MAP3K1: variants seen among roughly 807,000 people sequenced by gnomAD.
The protein encoded by MAP3K1 is MAP/ERK kinase kinase 1.
MAP3K1 carries 36 observed loss-of-function variants against 144.2 expected under a neutral mutation model. The ratio of observed to expected loss-of-function variants is 0.25; its 90% CI spans 0.19 to 0.33. The LOEUF (loss-of-function observed/expected upper bound fraction) is 0.33. MAP3K1 is among the 10% of genes least tolerant of loss of function. MAP3K1 has a pLI of 1.00. For missense variants in MAP3K1, 1,650 were observed against 1,881.9 expected (o/e 0.88, Z 2.28); for synonymous variants, 718 against 688.7 (o/e 1.04, Z -0.67).
intron 1 of MAP3K1, among the ~76,000 whole-genome samples, chr5:56,820,148 A>T (rs1054719869): frequency 6.6e-6 from 1 of 152,060 alleles, no homozygotes; most frequent in Non-Finnish European, 1.5e-5. Flanking sequence ...GATATCTATT[A>T]TATGTATTAT....
At chr5:56,883,770 T>C (rs1748296988) in intron 15 of MAP3K1, 91 bp downstream of exon 15, 16 of 1,314,326 alleles carry the variant, frequency 1.2e-5, no homozygotes, top group Non-Finnish European at 1.8e-5. Flanking sequence ...TCCACGTGTG[T>C]GTACTTTAGT....
chr5:56,838,775 G>A (rs1746727518), intron 1 of MAP3K1, among the ~76,000 whole-genome samples: 1 of 152,218 alleles, frequency 6.6e-6, no homozygotes, highest in Admixed American at 6.5e-5. Flanking sequence ...AGGATTCTTA[G>A]AGGGAGTTTA....
At chr5:56,875,747 C>G (rs1748005750) in intron 10 of MAP3K1, among the ~76,000 whole-genome samples, 1 of 152,036 alleles carries the variant, frequency 6.6e-6, no homozygotes, top group South Asian at 2.1e-4. Flanking sequence ...GCTAGACAAG[C>G]TTGCTAATTT....
chr5:56,815,586 G>A lies in MAP3K1; in HGVS notation c.13G>A (p.Ala5Thr). The part of the protein sequence containing the change: MAAA[A>T]GNRASSSGFP... ...CCCGCGAGAGAAAATGGCGGCGGCG[G>A]CGGGGAATCGCGCCTCGTCGTCGGG... The change falls in exon 1 of 20, where the codon GCG (alanine) becomes ACG (threonine). Residue 5 changes from alanine to threonine, a missense_variant. By Grantham distance (58) the Ala-to-Thr change is moderately conservative. Transcript: ENST00000399503. The A allele has an allele frequency of 7.7e-7, 1 of 1,299,022 alleles. No individual in the cohort carries two copies. Among genetic ancestry groups the A allele is most frequent in the Non-Finnish European group, 9.7e-7 (1 of 1,026,726 alleles). 80.5% of individuals were successfully genotyped at this position (1,299,022 alleles called of 1,614,324 possible).
chr5:56,878,814 TGTTA>T (rs1284585378), intron 10 of MAP3K1, among the ~76,000 whole-genome samples, 162 bp from the exon 11 acceptor site: 3 of 152,350 alleles, frequency 2.0e-5, no homozygotes, highest in South Asian at 2.1e-4. Context: ...TCATTTATTT[TGTTA>T]GTTAGTTGTA....
At chr5:56,816,078 C>T in intron 1 of MAP3K1, 23 bp downstream of exon 1, 8 of 1,207,694 alleles carry the variant, frequency 6.6e-6, no homozygotes, top group Middle Eastern at 3.3e-4. Context: ...GCCGGGGTCG[C>T]GGCGGGGACT....
intron 1 of MAP3K1, among the ~76,000 whole-genome samples, chr5:56,830,527 T>TA (rs1379269217): frequency 1.3e-5 from 2 of 152,226 alleles, no homozygotes; most frequent in African/African-American, 4.8e-5. Flanking sequence ...GTAAGCCTCT[T>TA]ACACTGGGTT....
chr5:56,833,184 T>G (rs931975409), intron 1 of MAP3K1, among the ~76,000 whole-genome samples: 2 of 152,228 alleles, frequency 1.3e-5, no homozygotes, highest in African/African-American at 4.8e-5. Flanking sequence ...TTTTTTTGTT[T>G]TTATATGAAG....
At chr5:56,880,125 A>G (rs1432504865) in intron 11 of MAP3K1, among the ~76,000 whole-genome samples, 1 of 152,220 alleles carries the variant, frequency 6.6e-6, no homozygotes, top group African/African-American at 2.4e-5. Flanking sequence ...TGCAAAATGC[A>G]TAGGAAAAAT....
intron 1 of MAP3K1, among the ~76,000 whole-genome samples, chr5:56,831,390 A>G (rs1746487703): frequency 6.6e-6 from 1 of 152,162 alleles, no homozygotes; most frequent in Non-Finnish European, 1.5e-5. Context: ...GTGAACTCCA[A>G]AACCTAATCA....
Position 56,845,270 on chromosome 5 carries a change from A to G in MAP3K1, c.483-11330A>G, listed in dbSNP as rs148731986. Among the ~76,000 whole-genome samples, 350 of 152,340 alleles carry G rather than the reference A, an allele frequency of 2.3e-3. 2 individuals carry two copies. Among genetic ancestry groups the G allele is most frequent in the African/African-American group, 7.9e-3 (328 of 41,580 alleles). ...TGTTGAGTTGACCACTTAGAAGTAT[A>G]CTCAAACTGCACTGCCACATTTCCC... On this transcript the variant is annotated intron_variant, in intron 1 of 19. Coordinates refer to ENST00000399503, the MANE Select transcript of MAP3K1 (RefSeq NM_005921.2).
chr5:56,821,852 GAAT>G (rs1293679266), intron 1 of MAP3K1, among the ~76,000 whole-genome samples: 2 of 152,184 alleles, frequency 1.3e-5, no homozygotes, highest in Non-Finnish European at 2.9e-5. Context: ...TGGCACCCAT[GAAT>G]ATTAGGTACC....
At chr5:56,855,097 T>G (rs964659018) in intron 1 of MAP3K1, among the ~76,000 whole-genome samples, 1 of 151,974 alleles carries the variant, frequency 6.6e-6, no homozygotes, top group Non-Finnish European at 1.5e-5. Context: ...CTACCTCTCT[T>G]TCTCTGCCTT....
Position 56,815,835 on chromosome 5 carries a change from T to C in MAP3K1, c.262T>C (p.Ser88Pro). ...LFLAASPPAS[S>P]TSPSPEPADA... ...CCTTGCCGCCTCACCGCCGGCCTCCTCGACTTCCCCGTCGCCGGAGCCCGC... is the reference window on the plus strand; with the variant it reads ...CCTTGCCGCCTCACCGCCGGCCTCCCCGACTTCCCCGTCGCCGGAGCCCGC... The change falls in exon 1 of 20, where the codon TCG becomes CCG. Residue 88 changes from serine to proline, a missense_variant. By Grantham distance (74) the Ser-to-Pro change is moderately conservative. Around this residue, in one of 6 missense-constraint regions of MAP3K1, gnomAD observed 360 missense variants for 274.7 expected, o/e 1.31. Coordinates refer to ENST00000399503, the MANE Select transcript of MAP3K1 (RefSeq NM_005921.2). 7.1e-7 allele frequency: 1 copy of C among 1,410,248 alleles called. No homozygotes were observed. Among genetic ancestry groups the C allele is most frequent in the South Asian group, 1.4e-5 (1 of 69,092 alleles). The allele number at this position is 1,410,248 out of a possible 1,614,324, so 87.4% of individuals were successfully genotyped here.
rs1579753658 is a variant in MAP3K1, at chr5:56,859,736, A to G, written c.655A>G (p.Lys219Glu). 1.2e-6 allele frequency: 2 copies of G among 1,613,974 alleles called. No individual in the cohort carries two copies. The highest frequency in any genetic ancestry group is 2.2e-5 in the South Asian group (2 of 91,064). ...TCAGGTGGTAAAACCAATCCCAGTT[A>G]AAGGAGATGGATCTGAAATGAATCA... The part of the protein sequence containing the change: ...GPVVVKPIPV[K>E]GDGSEMNHLA... The change falls in exon 3 of 20, where the codon AAA becomes GAA. Residue 219 changes from lysine to glutamate, a missense_variant. Lys to Glu is a moderately conservative substitution (Grantham distance 56). Coordinates refer to ENST00000399503, the MANE Select transcript of MAP3K1 (RefSeq NM_005921.2).
chr5:56,866,872 G>A (rs575754056), intron 6 of MAP3K1, among the ~76,000 whole-genome samples: 29 of 152,216 alleles, frequency 1.9e-4, no homozygotes, highest in African/African-American at 7.0e-4. Flanking sequence ...AGAGTTTTAC[G>A]AGTTTTTAGA....
rs1253204265 is a variant in MAP3K1 at position 56,882,799 on chromosome 5, A to T, written c.3599A>T (p.Asp1200Val). The T allele has an allele frequency of 2.5e-6, 4 of 1,612,152 alleles. No individual in the cohort carries two copies. Among genetic ancestry groups the T allele is most frequent in the Non-Finnish European group, 3.4e-6 (4 of 1,179,364 alleles). Residue 1200 changes from aspartate to valine, a missense_variant, in exon 14 of 20, where the codon GAT becomes GTT. Around this residue, in one of 6 missense-constraint regions of MAP3K1, gnomAD observed 841 missense variants for 886.5 expected, o/e 0.95. Transcript: ENST00000399503. ...AIAMAMSASQ[D>V]ALPIVPQLQV... ...GCCATGGCAATGTCAGCGTCTCAGG[A>T]TGCCCTCCCCATAGTTCCTCAGCTG...
chr5:56,846,972 G>T, intron 1 of MAP3K1, among the ~76,000 whole-genome samples: 1 of 151,012 alleles, frequency 6.6e-6, no homozygotes, highest in East Asian at 2.0e-4. Flanking sequence ...GAATGTGGTA[G>T]TTTTTAATGG....
Position 56,882,371 on chromosome 5 carries a change from A to G in MAP3K1, c.3171A>G (p.Ile1057Met). 6.2e-7 allele frequency: 1 copy of G among 1,614,146 alleles called. No individual in the cohort carries two copies. The highest frequency in any genetic ancestry group is 8.5e-7 in the Non-Finnish European group (1 of 1,180,000). The change falls in exon 14 of 20, where the codon ATA becomes ATG. Residue 1057 changes from isoleucine (I) to methionine (M), a missense_variant. Transcript: ENST00000399503. Reference protein sequence around the residue: ...TQSRPLPSSNIHRPKPSRPTP... With the variant: ...TQSRPLPSSNMHRPKPSRPTP... ...CAAGACCCTTGCCCTCCAGTAACAT[A>G]CACAGGCCAAAGCCATCTAGACCTA...
Sources: gnomAD v4.1 joint callset for allele counts (sites outside exome capture counted in the v4.1 genomes callset) on GRCh38, gnomAD v4.1.1 for gene constraint, gnomAD v4.1.1 regional missense constraint, MANE v1.5 for transcripts, NCBI Gene and HGNC (gene_info 2026-07-23, HGNC 2026-07-21) for gene names.